SCD5: variants seen among roughly 807,000 people sequenced by gnomAD.
SCD5 encodes acyl-CoA-desaturase 4.
SCD5 carries 20 observed loss-of-function variants against 30.4 expected under a neutral mutation model. The ratio of observed to expected loss-of-function variants is 0.66; its 90% CI spans 0.46 to 0.96. The LOEUF is 0.96. SCD5 is among the 40% of genes least tolerant of loss of function. The pLI, the probability that SCD5 is intolerant of heterozygous loss-of-function variation, is 0.00. For missense variants in SCD5, 381 were observed against 443.3 expected (o/e 0.86, Z 1.26); for synonymous variants, 173 against 176.4 (o/e 0.98, Z 0.16).
chr4:82,686,065 G>C (rs1207449813), intron 2 of SCD5, among the ~76,000 whole-genome samples: 1 of 151,990 alleles, frequency 6.6e-6, no homozygotes, highest in Non-Finnish European at 1.5e-5. Flanking sequence ...GAGTGCAGTG[G>C]TGTGATTATG....
chr4:82,726,789 C>G (rs1043985619), intron 1 of SCD5, among the ~76,000 whole-genome samples: 1 of 152,186 alleles, frequency 6.6e-6, no homozygotes, highest in Non-Finnish European at 1.5e-5. Flanking sequence ...ACGCGCTGGA[C>G]TGGATAAAGC....
rs1336867372 is a variant in SCD5, at chr4:82,658,814, T to C, written c.569+21893A>G. 4.9e-4 allele frequency among the ~76,000 whole-genome samples: 17 copies of C among 34,690 alleles called. 1 individual carries two copies. The South Asian group carries it at 0.022, about 44-fold the overall frequency. 22.8% of individuals were successfully genotyped at this position (34,690 alleles called of 152,430 possible). On this transcript the variant is annotated intron_variant, in intron 3 of 4. Coordinates refer to ENST00000319540, the MANE Select transcript of SCD5 (RefSeq NM_001037582.3). ...TATTTTCTTTTTTTTGTTGTGTCTC[T>C]GCCAGGTTTTGGTATCAGGAGCTGC...
intron 2 of SCD5, among the ~76,000 whole-genome samples, chr4:82,687,173 G>GAAAAAAA (rs58937590): frequency 1.8e-5 from 2 of 108,632 alleles, no homozygotes; most frequent in Non-Finnish European, 3.8e-5. Flanking sequence ...CTTGTTACAA[G>GAAAAAAA]AAAAAAAAAA....
At chr4:82,786,371 G>C (rs1721987835) in intron 1 of SCD5, among the ~76,000 whole-genome samples, 1 of 152,222 alleles carries the variant, frequency 6.6e-6, no homozygotes, top group Non-Finnish European at 1.5e-5. Context: ...AGCCCAAATA[G>C]CCAAGTGTGT....
chr4:82,666,906 G>T (rs1358495988), intron 3 of SCD5, among the ~76,000 whole-genome samples: 1 of 152,128 alleles, frequency 6.6e-6, no homozygotes, highest in Non-Finnish European at 1.5e-5. Context: ...GAGACAATGT[G>T]TGTAAAGACA....
chr4:82,706,004 G>C (rs1578030376), intron 1 of SCD5, among the ~76,000 whole-genome samples: 1 of 152,304 alleles, frequency 6.6e-6, no homozygotes, highest in South Asian at 2.1e-4. Context: ...TGGTTTTCAT[G>C]AACATGACAA....
intron 1 of SCD5, among the ~76,000 whole-genome samples, chr4:82,778,463 T>C (rs1176476126): frequency 6.6e-6 from 1 of 152,232 alleles, no homozygotes; most frequent in Non-Finnish European, 1.5e-5. Flanking sequence ...GTGGCTGGGC[T>C]GCAATTCTTT....
chr4:82,697,049 C>G (rs1405100), intron 2 of SCD5, among the ~76,000 whole-genome samples: 1 of 152,120 alleles, frequency 6.6e-6, no homozygotes. Context: ...GGTTCTAAGA[C>G]AAAGAAAGGT....
intron 3 of SCD5, among the ~76,000 whole-genome samples, chr4:82,670,276 T>C (rs1728281628): frequency 6.6e-6 from 1 of 152,030 alleles, no homozygotes; most frequent in Non-Finnish European, 1.5e-5. Context: ...GTAGGTAGCA[T>C]GCAAGAACAC....
At chr4:82,634,221 C>T (rs1727377127) in intron 4 of SCD5, among the ~76,000 whole-genome samples, 2 of 152,120 alleles carry the variant, frequency 1.3e-5, no homozygotes, top group South Asian at 4.1e-4. Flanking sequence ...CATTGATATA[C>T]AAGTTTTTGT....
chr4:82,769,123 G>T (rs975508602), intron 1 of SCD5, among the ~76,000 whole-genome samples: 1 of 152,088 alleles, frequency 6.6e-6, no homozygotes, highest in African/African-American at 2.4e-5. Context: ...AGCCCCCATG[G>T]TCTCCCCTCA....
chr4:82,727,185 T>C (rs781137083), intron 1 of SCD5, among the ~76,000 whole-genome samples: 5 of 152,170 alleles, frequency 3.3e-5, no homozygotes, highest in Non-Finnish European at 5.9e-5. Context: ...AACTTGACTT[T>C]AGGATGTAAG....
rs578076799 is a variant in SCD5, at chr4:82,719,376, G to A, written c.233-13963C>T. 1.7e-3 allele frequency among the ~76,000 whole-genome samples: 253 copies of A among 151,716 alleles called. 1 individual carries two copies. Among genetic ancestry groups the A allele is most frequent in the Non-Finnish European group, 2.7e-3 (185 of 68,028 alleles). On this transcript the variant is annotated intron_variant, in intron 1 of 4. Transcript: ENST00000319540. The stretch of plus-strand genomic sequence containing the variant: ...CTAACTTACCCACTAGACACAGTAG[G>A]CACAGTGCTCACAGCCCACAATATG...
At chr4:82,759,068 C>T (rs913398397) in intron 1 of SCD5, among the ~76,000 whole-genome samples, 1 of 152,260 alleles carries the variant, frequency 6.6e-6, no homozygotes, top group South Asian at 2.1e-4. Flanking sequence ...CGGGTCAGAA[C>T]GCATCACGGT....
At chr4:82,745,023 C>T (rs1720952521) in intron 1 of SCD5, among the ~76,000 whole-genome samples, 2 of 152,118 alleles carry the variant, frequency 1.3e-5, no homozygotes, top group African/African-American at 4.8e-5. Context: ...CTATTTCTGG[C>T]TATGGAAAAA....
rs534776788 is a variant in SCD5, at chr4:82,707,408, G to A, written c.233-1995C>T. ...GGAGCAGCCTAGAGAACTCACGGAC[G>A]GTCCTGCAGGACAGGCTACTATGCC... On this transcript the variant is annotated intron_variant, in intron 1 of 4. Coordinates refer to ENST00000319540, the MANE Select transcript of SCD5 (RefSeq NM_001037582.3). Among the ~76,000 whole-genome samples the A allele has an allele frequency of 5.3e-5, 8 of 152,266 alleles. No individual in the cohort carries two copies. The South Asian group carries it at 6.2e-4, about 12-fold the overall frequency.
chr4:82,772,408 C>A (rs578209937), intron 1 of SCD5, among the ~76,000 whole-genome samples: 1 of 152,202 alleles, frequency 6.6e-6, no homozygotes, highest in African/African-American at 2.4e-5. Context: ...AGCACCCCAC[C>A]GTTCTGTCAA....
At chr4:82,795,554 G>A (rs184765853) in intron 1 of SCD5, among the ~76,000 whole-genome samples, 51 of 152,192 alleles carry the variant, frequency 3.4e-4, no homozygotes, top group Middle Eastern at 3.4e-3. Flanking sequence ...ATGAGACTGG[G>A]TACAGTGGCT....
chr4:82,736,531 C>T (rs1720755702), intron 1 of SCD5, among the ~76,000 whole-genome samples: 1 of 151,958 alleles, frequency 6.6e-6, no homozygotes, highest in African/African-American at 2.4e-5. Context: ...TCACTTGAAC[C>T]CAGGAGGCAG....
Sources: gnomAD v4.1 joint callset for allele counts (sites outside exome capture counted in the v4.1 genomes callset) on GRCh38, gnomAD v4.1.1 for gene constraint, MANE v1.5 for transcripts, NCBI Gene and HGNC (gene_info 2026-07-23, HGNC 2026-07-21) for gene names.